PGM5: variants seen among roughly 807,000 people sequenced by gnomAD.
The protein encoded by PGM5 is phosphoglucomutase-like protein 5.
Under a neutral mutation model 59.2 loss-of-function variants are expected in PGM5, and 23 were observed. The observed-to-expected ratio is 0.39, with a 90% CI of 0.28 to 0.55. The LOEUF is 0.55. Ranked by LOEUF, PGM5 falls within the 20% of genes least tolerant of loss-of-function variation. The pLI, the probability that PGM5 is intolerant of heterozygous loss-of-function variation, is 0.66. For missense variants in PGM5, 574 were observed against 748.3 expected, an observed-to-expected ratio of 0.77 and a Z score of 2.72; for synonymous variants, 214 against 286.0, an observed-to-expected ratio of 0.75 and a Z score of 2.54.
intron 6 of PGM5, among the ~76,000 whole-genome samples, chr9:68,425,500 A>G (rs1823220523): frequency 1.3e-5 from 2 of 152,208 alleles, no homozygotes; most frequent in South Asian, 4.1e-4. Context: ...ATCTTATCTT[A>G]TATTCCTTAA....
intron 6 of PGM5, among the ~76,000 whole-genome samples, chr9:68,439,716 CAT>C (rs543306902): frequency 2.7e-5 from 4 of 148,820 alleles, no homozygotes; most frequent in South Asian, 2.1e-4. Context: ...TACACACACA[CAT>C]ATATATATAT....
At chr9:68,513,254 C>A (rs1554689513) in intron 10 of PGM5, among the ~76,000 whole-genome samples, 1 of 152,210 alleles carries the variant, frequency 6.6e-6, no homozygotes, top group Non-Finnish European at 1.5e-5. Flanking sequence ...CATGAGGCTT[C>A]TGAGGTTGAA....
chr9:68,481,579 T>A (rs1824197234), intron 8 of PGM5, among the ~76,000 whole-genome samples: 1 of 152,230 alleles, frequency 6.6e-6, no homozygotes. Context: ...GAGTCAGAGA[T>A]GTGTTCCTCA....
In PGM5 at chr9:68,479,663, G is replaced by A. The variant is rs190674291; in HGVS notation, c.1295+110G>A. On this transcript the variant is annotated intron_variant, in intron 8 of 10. Transcript: ENST00000396396. Reference sequence around the variant, plus strand: ...AAAAAGGAGGCATCAGGCCGGGCGCGGTGGCTCACGCCTGTAATCCCAGCA... The same window carrying A: ...AAAAAGGAGGCATCAGGCCGGGCGCAGTGGCTCACGCCTGTAATCCCAGCA... The A allele has an allele frequency of 2.1e-4, 228 of 1,106,338 alleles. 1 individual carries two copies. In the East Asian group the frequency reaches 5.3e-3, roughly 26 times the overall value. 68.5% of individuals were successfully genotyped at this position (1,106,338 alleles called of 1,614,324 possible).
intron 1 of PGM5, among the ~76,000 whole-genome samples, chr9:68,376,475 C>CTG (rs71353047): frequency 0.15 from 19,678 of 129,374 alleles, 1,461 homozygotes; most frequent in South Asian, 0.21. Context: ...TGCTTTTGAG[C>CTG]TGTGTGTGTG....
chr9:68,454,836 G>A (rs782045612), intron 6 of PGM5, among the ~76,000 whole-genome samples: 6 of 152,070 alleles, frequency 3.9e-5, no homozygotes, highest in Non-Finnish European at 7.4e-5. Flanking sequence ...AAACTCTCAC[G>A]TCCCACAAAA....
chr9:68,387,483 G>C lies in PGM5; in HGVS notation c.592G>C (p.Asp198His). The stretch of plus-strand genomic sequence containing the variant: ...TTTAGTGGAGATAGTGGACCCAGTG[G>C]ATATCTATCTTAACCTCCTTCGGAC... Reference protein sequence around the residue: ...PFRVEIVDPVDIYLNLLRTIF... With the variant: ...PFRVEIVDPVHIYLNLLRTIF... The change falls in exon 4 of 11, where the codon GAT becomes CAT. Residue 198 changes from aspartate (D) to histidine (H), a missense_variant. Around this residue, in one of 7 missense-constraint regions of PGM5, gnomAD observed 103 missense variants for 112.4 expected, o/e 0.92. Coordinates refer to ENST00000396396, the MANE Select transcript of PGM5 (RefSeq NM_021965.4). The C allele has an allele frequency of 6.2e-7, 1 of 1,611,304 alleles. No homozygotes were observed. Among genetic ancestry groups the C allele is most frequent in the South Asian group, 1.1e-5 (1 of 90,986 alleles).
chr9:68,430,932 T>A (rs1164533006), intron 6 of PGM5, among the ~76,000 whole-genome samples: 3 of 152,186 alleles, frequency 2.0e-5, no homozygotes, highest in South Asian at 2.1e-4. Flanking sequence ...CAATAAATAG[T>A]CCTTAGCAAC....
chr9:68,442,240 C>G (rs1429906743), intron 6 of PGM5, among the ~76,000 whole-genome samples: 1 of 152,074 alleles, frequency 6.6e-6, no homozygotes, highest in African/African-American at 2.4e-5. Flanking sequence ...CTAGAAGAGG[C>G]AGAACAATTT....
At chr9:68,434,074 T>C (rs1351887417) in intron 6 of PGM5, among the ~76,000 whole-genome samples, 2 of 152,074 alleles carry the variant, frequency 1.3e-5, no homozygotes, top group African/African-American at 4.8e-5. Context: ...CCCAGCACTT[T>C]GGGAGGCAGA....
chr9:68,371,124 C>T (rs1737579922), intron 1 of PGM5, among the ~76,000 whole-genome samples: 1 of 152,114 alleles, frequency 6.6e-6, no homozygotes, highest in Admixed American at 6.5e-5. Flanking sequence ...AAGGAAATGC[C>T]CCTTAATGGC....
intron 6 of PGM5, among the ~76,000 whole-genome samples, chr9:68,408,127 T>C (rs560191130): frequency 1.3e-5 from 2 of 152,362 alleles, no homozygotes; most frequent in South Asian, 4.1e-4. Context: ...TTTCTTTACA[T>C]GACTCTTATC....
At chr9:68,469,677 C>T (rs1554686104) in intron 7 of PGM5, among the ~76,000 whole-genome samples, 1 of 152,154 alleles carries the variant, frequency 6.6e-6, no homozygotes, top group African/African-American at 2.4e-5. Flanking sequence ...TTGTAAATGC[C>T]CTGAAGACAG....
At chr9:68,476,172 C>T (rs1184711120) in intron 7 of PGM5, among the ~76,000 whole-genome samples, 1 of 152,184 alleles carries the variant, frequency 6.6e-6, no homozygotes, top group Non-Finnish European at 1.5e-5. Context: ...CAAGTTAACT[C>T]TTCCCCCGTC....
intron 10 of PGM5, among the ~76,000 whole-genome samples, chr9:68,517,252 A>G (rs1183071485): frequency 1.3e-5 from 2 of 152,000 alleles, no homozygotes; most frequent in African/African-American, 4.8e-5. Context: ...CATAGGCATA[A>G]TAGGGGACGG....
intron 10 of PGM5, among the ~76,000 whole-genome samples, chr9:68,522,931 T>C (rs767606186): frequency 8.5e-5 from 13 of 152,390 alleles, no homozygotes; most frequent in Middle Eastern, 3.4e-3. Flanking sequence ...TTGTCACCTT[T>C]CTCAGAGTCT....
chr9:68,414,408 G>C (rs1822986312), intron 6 of PGM5, among the ~76,000 whole-genome samples: 1 of 152,160 alleles, frequency 6.6e-6, no homozygotes, highest in South Asian at 2.1e-4. Context: ...TCAAATAAAA[G>C]ACAATGAAAG....
intron 9 of PGM5, among the ~76,000 whole-genome samples, chr9:68,487,447 C>CTCTG (rs10648860): frequency 0.093 from 13,696 of 146,658 alleles, 1,092 homozygotes; most frequent in East Asian, 0.34. Flanking sequence ...CTCTCTCTCT[C>CTCTG]TGTGTCACAC....
At chr9:68,366,192 T>C (rs1199795767) in intron 1 of PGM5, among the ~76,000 whole-genome samples, 1 of 151,856 alleles carries the variant, frequency 6.6e-6, no homozygotes, top group African/African-American at 2.4e-5. Context: ...AATCTCTTAA[T>C]CTAAGAATCT....
Sources: allele counts gnomAD v4.1 joint callset (sites outside exome capture counted in the v4.1 genomes callset), GRCh38; gene constraint gnomAD v4.1.1; regional missense constraint gnomAD v4.1.1; transcripts MANE v1.5; gene names NCBI Gene and HGNC (gene_info 2026-07-23, HGNC 2026-07-21).